Variants in PLCE1 observed in about 807,000 individuals in gnomAD.
The protein encoded by PLCE1 is phospholipase C epsilon 1.
PLCE1 carries 119 observed loss-of-function variants against 242.8 expected under a neutral mutation model. The ratio of observed to expected loss-of-function variants is 0.49; its 90% confidence interval spans 0.42 to 0.57. PLCE1 has a LOEUF of 0.57. Among genes scored for constraint, PLCE1 ranks in the 20% least tolerant of loss-of-function variants. PLCE1 has a pLI of 0.00. For synonymous variants in PLCE1, 945 were observed against 1,017.4 expected (o/e 0.93, Z 1.35); for missense variants, 2,441 against 2,788.8 (o/e 0.88, Z 2.81).
At chr10:94,271,490 A>G (rs1038238725) in intron 18 of PLCE1, among the ~76,000 whole-genome samples, 2 of 151,116 alleles carry the variant, frequency 1.3e-5, no homozygotes, top group African/African-American at 2.4e-5. Context: ...AATTTTTTGT[A>G]TTTTTAGTAG....
chr10:94,260,459 T>G (rs2051257395), intron 13 of PLCE1, among the ~76,000 whole-genome samples: 1 of 152,184 alleles, frequency 6.6e-6, no homozygotes, highest in African/African-American at 2.4e-5. Context: ...CTTTCCTCTT[T>G]TATGCAGTTG....
intron 2 of PLCE1, among the ~76,000 whole-genome samples, chr10:94,095,491 G>A (rs2045274010): frequency 6.6e-6 from 1 of 152,032 alleles, no homozygotes. Context: ...TGAGTAGCAG[G>A]GACTACAGGC....
chr10:94,243,459 G>T (rs190412251), intron 7 of PLCE1, among the ~76,000 whole-genome samples: 1 of 152,286 alleles, frequency 6.6e-6, no homozygotes, highest in East Asian at 1.9e-4. Flanking sequence ...ATAAAGTGTG[G>T]ACCTTAATTA....
At chr10:94,319,864 C>CCTTTTT (rs1215283955) in intron 29 of PLCE1, among the ~76,000 whole-genome samples, 4 of 92,914 alleles carry the variant, frequency 4.3e-5, no homozygotes, top group African/African-American at 1.5e-4. Flanking sequence ...CAAAGGTGCT[C>CCTTTTT]TTTTTTTTTT....
intron 1 of PLCE1, among the ~76,000 whole-genome samples, chr10:93,995,197 A>C (rs981466454): frequency 6.6e-6 from 1 of 152,192 alleles, no homozygotes; most frequent in African/African-American, 2.4e-5. Context: ...ACAGGTGCCC[A>C]GTTGTCATTG....
At chr10:94,265,377 A>C (rs1218912758) in intron 14 of PLCE1, among the ~76,000 whole-genome samples, 2 of 152,206 alleles carry the variant, frequency 1.3e-5, no homozygotes, top group Non-Finnish European at 2.9e-5. Context: ...AAACTGATAC[A>C]CTTTGTTTTC....
rs763259071 is a variant in PLCE1 at position 94,308,608 on chromosome 10, T to C, written c.5912T>C (p.Leu1971Pro). 1.5e-5 allele frequency: 25 copies of C among 1,613,082 alleles called. No homozygotes were observed. Among genetic ancestry groups the C allele is most frequent in the Non-Finnish European group, 2.0e-5 (24 of 1,179,026 alleles). Reference sequence around the variant, plus strand: ...TATCGACATCTTCAGCTGCGAAACCTTCACAATGAAGTCTTGGAGATTTCT... The same window carrying C: ...TATCGACATCTTCAGCTGCGAAACCCTCACAATGAAGTCTTGGAGATTTCT... ...RGYRHLQLRN[L>P]HNEVLEISSL... The change falls in exon 27 of 33, where the codon CTT (leucine) becomes CCT (proline). Residue 1971 changes from leucine to proline, a missense_variant. Leu to Pro is a moderately conservative substitution (Grantham distance 98, BLOSUM62 -3). Around this residue, in one of 5 missense-constraint regions of PLCE1, gnomAD observed 1,004 missense variants for 1,322.7 expected, o/e 0.76. Transcript: ENST00000371380.
intron 2 of PLCE1, among the ~76,000 whole-genome samples, chr10:94,128,083 G>C (rs994130628): frequency 3.3e-5 from 5 of 151,754 alleles, no homozygotes; most frequent in Admixed American, 1.3e-4. Context: ...CGCCTCCTGG[G>C]TTCAAGTGAT....
At chr10:94,166,932 G>A (rs1011938352) in intron 3 of PLCE1, among the ~76,000 whole-genome samples, 2 of 152,116 alleles carry the variant, frequency 1.3e-5, no homozygotes, top group African/African-American at 4.8e-5. Context: ...CGGGCACCTT[G>A]GAGGGTAAAG....
chr10:94,288,541 G>A (rs1308500749), intron 22 of PLCE1, among the ~76,000 whole-genome samples: 1 of 152,142 alleles, frequency 6.6e-6, no homozygotes, highest in African/African-American at 2.4e-5. Flanking sequence ...TCTCTACCAG[G>A]GATTTACATT....
At chr10:94,287,578 G>A (rs2052498092) in intron 22 of PLCE1, 2 of 151,906 alleles carry the variant, frequency 1.3e-5, no homozygotes, top group South Asian at 4.2e-4. Flanking sequence ...TCAGTGGCAG[G>A]GCAAGAGCCA....
chr10:94,251,140 A>C (rs559782143), intron 8 of PLCE1, among the ~76,000 whole-genome samples: 150 of 152,308 alleles, frequency 9.8e-4, no homozygotes, highest in Non-Finnish European at 1.8e-3. Flanking sequence ...TAGACAGTTA[A>C]AGTAAAATCG....
At chr10:94,211,792 G>C (rs2049339262) in intron 4 of PLCE1, among the ~76,000 whole-genome samples, 1 of 152,246 alleles carries the variant, frequency 6.6e-6, no homozygotes, top group East Asian at 1.9e-4. Flanking sequence ...CCCACCCCAA[G>C]CGGTTTCTAG....
chr10:94,158,917 C>T (rs1229682580), intron 3 of PLCE1, among the ~76,000 whole-genome samples: 22 of 130,098 alleles, frequency 1.7e-4, no homozygotes, highest in Admixed American at 4.0e-4. Context: ...AGTGCAATGG[C>T]GCAATCTCAG....
intron 2 of PLCE1, among the ~76,000 whole-genome samples, chr10:94,059,491 G>A (rs2043990947): frequency 6.6e-6 from 1 of 152,134 alleles, no homozygotes; most frequent in Non-Finnish European, 1.5e-5. Context: ...TGATGATACG[G>A]GGAGGGGGTG....
At chr10:94,153,559 A>G (rs2047339174) in intron 3 of PLCE1, among the ~76,000 whole-genome samples, 1 of 152,186 alleles carries the variant, frequency 6.6e-6, no homozygotes. Context: ...GGCAACAAAA[A>G]TAAATAAAAG....
At chr10:94,207,874 GA>G (rs973413198) in intron 4 of PLCE1, among the ~76,000 whole-genome samples, 10 of 151,914 alleles carry the variant, frequency 6.6e-5, no homozygotes, top group Non-Finnish European at 1.2e-4. Flanking sequence ...CCAATATAGT[GA>G]AAAAAAATTA....
intron 32 of PLCE1, among the ~76,000 whole-genome samples, chr10:94,326,113 T>A (rs1418262321): frequency 2.0e-5 from 3 of 152,130 alleles, no homozygotes; most frequent in African/African-American, 7.2e-5. Context: ...AACCTAAGGG[T>A]TCATTAAAGC....
At chr10:94,218,760 T>G (rs1323145467) in intron 4 of PLCE1, among the ~76,000 whole-genome samples, 1 of 151,734 alleles carries the variant, frequency 6.6e-6, no homozygotes, top group Non-Finnish European at 1.5e-5. Flanking sequence ...TAAAGTGCTT[T>G]GGGAGGGCAA....
Sources: allele counts gnomAD v4.1 joint callset (sites outside exome capture counted in the v4.1 genomes callset), GRCh38; gene constraint gnomAD v4.1.1; regional missense constraint gnomAD v4.1.1; transcripts MANE v1.5; gene names NCBI Gene and HGNC (gene_info 2026-07-23, HGNC 2026-07-21).